The following VEZF1 variants were observed in gnomAD, a reference collection of about 807,000 sequenced individuals.
VEZF1 encodes vascular endothelial zinc finger 1.
VEZF1 carries 5 observed loss-of-function variants against 44.1 expected under a neutral mutation model. The observed-to-expected ratio is 0.11, with a 90% confidence interval of 0.06 to 0.24. VEZF1 has a LOEUF of 0.24. VEZF1 is among the 10% of genes least tolerant of loss of function. VEZF1 has a pLI of 1.00. For synonymous variants in VEZF1, 236 were observed against 233.1 expected (o/e 1.01, Z -0.11); for missense variants, 358 against 641.8 (o/e 0.56, Z 4.78).
chr17:57,982,666 T>TGAAGC, intron 2 of VEZF1, 33 bp downstream of exon 2: 2 of 1,466,752 alleles, frequency 1.4e-6, no homozygotes, highest in Non-Finnish European at 1.9e-6. Context: ...GATACCATAA[T>TGAAGC]GAAGCAAAGC....
At position 57,983,136 on chromosome 17, in the gene VEZF1, T is replaced by G. The variant is rs761715704; in HGVS notation, c.291A>C (p.Thr97=). The part of the protein sequence containing the change: ...YHLRRHESCH[T]GIKLVSRPKK... ...TTGGCCGGGACACCAACTTGATCCC[T>G]GTGTGGCAGGATTCGTGGCGCCTCA... The change falls in exon 2 of 6, where the codon ACA becomes ACC. Residue 97 remains threonine, a synonymous_variant. Transcript: ENST00000581208. 5.6e-6 allele frequency: 9 copies of G among 1,614,098 alleles called. No individual in the cohort carries two copies. The highest frequency in any genetic ancestry group is 6.8e-6 in the Non-Finnish European group (8 of 1,180,036).
At position 57,988,135 on chromosome 17, in the gene VEZF1, C is replaced by T. The variant is rs1178480858; in HGVS notation, c.-24G>A. On this transcript the variant is annotated 5_prime_UTR_variant, in exon 1 of 6. Coordinates refer to ENST00000581208, the MANE Select transcript of VEZF1 (RefSeq NM_007146.3). Reference sequence around the variant, plus strand: ...ATGGCTGCGGCGGCCGACCCCCCTCCTCCCCACTCCCCCCGCTCGGGGAGC... The same window carrying T: ...ATGGCTGCGGCGGCCGACCCCCCTCTTCCCCACTCCCCCCGCTCGGGGAGC... 5 of 759,680 alleles carry T rather than the reference C, an allele frequency of 6.6e-6. No homozygotes were observed. Among genetic ancestry groups the T allele is most frequent in the Non-Finnish European group, 8.5e-6 (5 of 585,976 alleles). The allele number at this position is 759,680 out of a possible 1,614,324, so 47.1% of individuals were successfully genotyped here. A position where few individuals can be genotyped will look rare whatever the true frequency, so the allele number is the denominator to read the frequency against.
At chr17:57,985,471 G>T in intron 1 of VEZF1, 1 of 1,215,734 alleles carries the variant, frequency 8.2e-7, no homozygotes, top group East Asian at 3.3e-5. Flanking sequence ...CTTCTCTGGG[G>T]GAGAGACAGA....
chr17:57,982,565 T>A, intron 2 of VEZF1, 134 bp downstream of exon 2: 1 of 833,724 alleles, frequency 1.2e-6, no homozygotes, highest in Non-Finnish European at 1.8e-6. Flanking sequence ...AATACTTATC[T>A]ATCACCAATC....
intron 1 of VEZF1, among the ~76,000 whole-genome samples, chr17:57,984,617 C>T (rs936387874): frequency 5.9e-5 from 9 of 152,178 alleles, no homozygotes; most frequent in African/African-American, 2.2e-4. Flanking sequence ...TAGACGGTTA[C>T]TTACCCTTCT....
At chr17:57,987,803 A>AAGGGTGTGTGTG (rs1213850064) in intron 1 of VEZF1, among the ~76,000 whole-genome samples, 1 of 151,372 alleles carries the variant, frequency 6.6e-6, no homozygotes, top group Non-Finnish European at 1.5e-5. Flanking sequence ...AGCGAGAGGG[A>AAGGGTGTGTGTG]AGGGTGTGTG....
chr17:57,977,304 T>C (rs1321392131), intron 5 of VEZF1, among the ~76,000 whole-genome samples: 1 of 152,010 alleles, frequency 6.6e-6, no homozygotes, highest in Non-Finnish European at 1.5e-5. Context: ...TTGTTGTTGT[T>C]TTTGTAGAGA....
chr17:57,985,944 G>A (rs932679024), intron 1 of VEZF1: 3 of 152,194 alleles, frequency 2.0e-5, no homozygotes, highest in Non-Finnish European at 4.4e-5. Flanking sequence ...TATCCCCAGT[G>A]AAAATTACTT....
intron 1 of VEZF1, among the ~76,000 whole-genome samples, chr17:57,983,941 C>T (rs747013404): frequency 6.6e-6 from 1 of 152,144 alleles, no homozygotes; most frequent in East Asian, 1.9e-4. Flanking sequence ...AATACATTTG[C>T]TAGTCGTTAA....
chr17:57,984,863 A>G (rs958013092), intron 1 of VEZF1, among the ~76,000 whole-genome samples: 36 of 152,312 alleles, frequency 2.4e-4, no homozygotes, highest in Admixed American at 1.4e-3. Flanking sequence ...TCACCCTTTG[A>G]GTCCTGGAAG....
rs1387076246 is a variant in VEZF1, at chr17:57,972,711, G to A, written c.*1762C>T. ...TTCCTGCTAAACAGAAAGTTCCTAA[G>A]CTTTTATATATACAAAAGTTGTACA... On this transcript the variant is annotated 3_prime_UTR_variant, in exon 6 of 6. Coordinates refer to ENST00000581208, the MANE Select transcript of VEZF1 (RefSeq NM_007146.3). The A allele has an allele frequency of 6.6e-6, 1 of 152,430 alleles. No homozygotes were observed. Among genetic ancestry groups the A allele is most frequent in the African/African-American group, 2.4e-5 (1 of 41,422 alleles). The allele number at this position is 152,430 out of a possible 1,614,324, so 9.4% of individuals were successfully genotyped here.
chr17:57,987,452 C>T (rs930239533), intron 1 of VEZF1, among the ~76,000 whole-genome samples: 2 of 152,202 alleles, frequency 1.3e-5, no homozygotes, highest in African/African-American at 4.8e-5. Context: ...AACATCCGCC[C>T]CCCCAACTGG....
intron 4 of VEZF1, 115 bp downstream of exon 4, chr17:57,980,488 T>G: frequency 1.0e-6 from 1 of 995,794 alleles, no homozygotes; most frequent in East Asian, 2.4e-5. Flanking sequence ...TTTGCACATG[T>G]TGGCAATAGG....
At chr17:57,980,824 A>C (rs1207618615) in intron 3 of VEZF1, 38 bp from the exon 4 acceptor site, 1 of 1,602,214 alleles carries the variant, frequency 6.2e-7, no homozygotes, top group South Asian at 1.1e-5. Flanking sequence ...AATATAGACT[A>C]TCCTGTTCTA....
Position 57,974,818 on chromosome 17 carries a change from C to T in VEZF1, c.1221G>A (p.Val407=), listed in dbSNP as rs1167191011. The change falls in exon 6 of 6, where the codon GTG becomes GTA. Residue 407 remains valine (V), a synonymous_variant. Coordinates refer to ENST00000581208, the MANE Select transcript of VEZF1 (RefSeq NM_007146.3). The part of the protein sequence containing the change: ...LTTPFSITSS[V]SSGTMSNPVT... ...CTGGGTTTGACATAGTCCCAGACGA[C>T]ACAGAGGATGTTATACTGAATGGAG... 6.2e-7 allele frequency: 1 copy of T among 1,614,020 alleles called. No homozygotes were observed. The highest frequency in any genetic ancestry group is 8.5e-7 in the Non-Finnish European group (1 of 1,180,042).
At position 57,971,595 on chromosome 17, in the gene VEZF1, T is replaced by A. The variant is rs1350476512; in HGVS notation, c.*2878A>T. On this transcript the variant is annotated 3_prime_UTR_variant, in exon 6 of 6. Transcript: ENST00000581208. ...TAATTTTCAAAATAAATCTGCAGTA[T>A]TTTGCATGTTAGTAATACAGTGCTG... 1 of 152,570 alleles carries A rather than the reference T, an allele frequency of 6.6e-6. No individual in the cohort carries two copies. Among genetic ancestry groups the A allele is most frequent in the Non-Finnish European group, 1.5e-5 (1 of 68,044 alleles). The allele number at this position is 152,570 out of a possible 1,614,324, so 9.5% of individuals were successfully genotyped here.
chr17:57,973,385 T>A lies in VEZF1; in HGVS notation c.*1088A>T, dbSNP rs1346295922. On this transcript the variant is annotated 3_prime_UTR_variant, in exon 6 of 6. Coordinates refer to ENST00000581208, the MANE Select transcript of VEZF1 (RefSeq NM_007146.3). The stretch of plus-strand genomic sequence containing the variant: ...TACTTAAGAAACGGAAGGAGAAATT[T>A]AAAAAAAGATACACTCTGCATGTTC... The A allele has an allele frequency of 6.6e-6, 1 of 152,474 alleles. No individual in the cohort carries two copies. The highest frequency in any genetic ancestry group is 2.4e-5 in the African/African-American group (1 of 41,388). 9.4% of individuals were successfully genotyped at this position (152,474 alleles called of 1,614,324 possible).
intron 1 of VEZF1, among the ~76,000 whole-genome samples, chr17:57,987,583 G>A (rs1161165602): frequency 6.6e-6 from 1 of 152,058 alleles, no homozygotes; most frequent in African/African-American, 2.4e-5. Context: ...CACACAAAAA[G>A]ACGAGGAAGG....
chr17:57,985,758 T>G (rs767654376), intron 1 of VEZF1, among the ~76,000 whole-genome samples: 1 of 152,206 alleles, frequency 6.6e-6, no homozygotes, highest in African/African-American at 2.4e-5. Context: ...CTGAACAAAT[T>G]AACATCGGTG....
Sources: gnomAD v4.1 joint callset for allele counts (sites outside exome capture counted in the v4.1 genomes callset) on GRCh38, gnomAD v4.1.1 for gene constraint, MANE v1.5 for transcripts, NCBI Gene and HGNC (gene_info 2026-07-23, HGNC 2026-07-21) for gene names.